The following AGBL4 variants were observed in gnomAD, a reference collection of about 807,000 sequenced individuals.
The protein encoded by AGBL4 is AGBL carboxypeptidase 4, also known as cytosolic carboxypeptidase 6.
A neutral mutation model predicts 66.4 loss-of-function variants in AGBL4; 58 were observed. The ratio of observed to expected loss-of-function variants is 0.87; its 90% confidence interval spans 0.71 to 1.09. The LOEUF (loss-of-function observed/expected upper bound fraction) is 1.09. AGBL4 is among the 50% of genes least tolerant of loss of function. The probability of loss-of-function intolerance (pLI) is 0.00; values close to 1 mark genes in which losing one functional copy is unlikely to be tolerated. For synonymous variants in AGBL4, 234 were observed against 222.9 expected, an observed-to-expected ratio of 1.05 and a Z score of -0.44; for missense variants, 579 against 631.0, an observed-to-expected ratio of 0.92 and a Z score of 0.88.
chr1:48,689,956 T>G lies in AGBL4; in HGVS notation c.635-26715A>C, dbSNP rs919812665. Among the ~76,000 whole-genome samples, 12 of 152,276 alleles carry G rather than the reference T, an allele frequency of 7.9e-5. No individual in the cohort carries two copies. The East Asian group carries it at 1.7e-3, about 22-fold the overall frequency. On this transcript the variant is annotated intron_variant, in intron 6 of 13. Transcript: ENST00000371839. ...GTTGTGGAGGAGAGGTGACACCTGGTCTGGAAGCCTCTGAGCCAACCCTCC... is the reference window on the plus strand; with the variant it reads ...GTTGTGGAGGAGAGGTGACACCTGGGCTGGAAGCCTCTGAGCCAACCCTCC...
chr1:48,776,678 C>T (rs1645106955), intron 6 of AGBL4: 6 of 1,507,072 alleles, frequency 4.0e-6, no homozygotes, highest in Non-Finnish European at 5.3e-6. Flanking sequence ...GGGGGGCTCT[C>T]GGGCCCGGCG....
intron 2 of AGBL4, among the ~76,000 whole-genome samples, chr1:49,840,039 A>G (rs1339892283): frequency 6.6e-6 from 1 of 152,154 alleles, no homozygotes; most frequent in African/African-American, 2.4e-5. Flanking sequence ...CACACAAGCC[A>G]GATTCAGAGT....
chr1:49,705,246 G>C (rs1335816839), intron 2 of AGBL4, among the ~76,000 whole-genome samples: 1 of 152,026 alleles, frequency 6.6e-6, no homozygotes, highest in Non-Finnish European at 1.5e-5. Context: ...TTGGTGTGTA[G>C]GAATGCCTGT....
chr1:48,994,262 T>C (rs1045624045), intron 5 of AGBL4, among the ~76,000 whole-genome samples: 9 of 152,240 alleles, frequency 5.9e-5, no homozygotes, highest in African/African-American at 1.9e-4. Context: ...CTTTCTTTTA[T>C]TCTCTGTAAG....
intron 3 of AGBL4, among the ~76,000 whole-genome samples, chr1:49,395,427 A>C (rs942431555): frequency 1.3e-5 from 2 of 151,988 alleles, no homozygotes; most frequent in Non-Finnish European, 2.9e-5. Context: ...GATTGAGAGA[A>C]GTACAAGAAG....
intron 4 of AGBL4, among the ~76,000 whole-genome samples, chr1:49,053,573 A>C (rs547843543): frequency 6.6e-6 from 1 of 152,256 alleles, no homozygotes; most frequent in African/African-American, 2.4e-5. Flanking sequence ...GAGAATTTGA[A>C]ATATGCCTGG....
chr1:49,323,092 C>T (rs1645159267), intron 3 of AGBL4, among the ~76,000 whole-genome samples: 1 of 152,124 alleles, frequency 6.6e-6, no homozygotes. Flanking sequence ...ATGCTTAAAA[C>T]CCTGACAAGA....
At chr1:49,005,170 CA>C (rs1420282906) in intron 5 of AGBL4, among the ~76,000 whole-genome samples, 1 of 152,128 alleles carries the variant, frequency 6.6e-6, no homozygotes, top group Non-Finnish European at 1.5e-5. Context: ...GGCTATTTAT[CA>C]AAACCACAAA....
chr1:49,503,532 T>C (rs950923541), intron 3 of AGBL4, among the ~76,000 whole-genome samples: 8 of 152,114 alleles, frequency 5.3e-5, no homozygotes, highest in African/African-American at 1.7e-4. Flanking sequence ...CCACAGGTAC[T>C]CAACACCAGT....
intron 3 of AGBL4, among the ~76,000 whole-genome samples, chr1:49,547,617 G>T (rs1028641643): frequency 1.3e-5 from 2 of 152,088 alleles, no homozygotes; most frequent in South Asian, 4.1e-4. Flanking sequence ...TCACAATATT[G>T]ATTCTACCCA....
intron 1 of AGBL4, among the ~76,000 whole-genome samples, chr1:49,988,403 A>G (rs1659680315): frequency 6.6e-6 from 1 of 152,180 alleles, no homozygotes; most frequent in South Asian, 2.1e-4. Context: ...TTTCCTGCTC[A>G]GTCGTTTTAT....
chr1:48,689,455 TCCC>T (rs1646593497), intron 6 of AGBL4, among the ~76,000 whole-genome samples: 2 of 107,028 alleles, frequency 1.9e-5, no homozygotes, highest in African/African-American at 6.5e-5. Flanking sequence ...CCTCCCTCCC[TCCC>T]TCCTTCCTTC....
At chr1:49,451,480 G>A (rs1348163921) in intron 3 of AGBL4, among the ~76,000 whole-genome samples, 1 of 151,962 alleles carries the variant, frequency 6.6e-6, no homozygotes, top group East Asian at 1.9e-4. Context: ...CATGGGAGAG[G>A]AGGGAGAGTC....
At chr1:49,955,545 T>A (rs1030066188) in intron 1 of AGBL4, among the ~76,000 whole-genome samples, 5 of 151,882 alleles carry the variant, frequency 3.3e-5, no homozygotes, top group African/African-American at 1.2e-4. Context: ...TTATAAATAG[T>A]TAAAGAATCA....
At chr1:48,637,532 C>T (rs1419525975) in intron 8 of AGBL4, among the ~76,000 whole-genome samples, 1 of 152,220 alleles carries the variant, frequency 6.6e-6, no homozygotes, top group African/African-American at 2.4e-5. Context: ...TCCCTGGAAG[C>T]CAGGGCAGCT....
chr1:49,008,771 A>G (rs1662093447), intron 5 of AGBL4, among the ~76,000 whole-genome samples: 1 of 147,552 alleles, frequency 6.8e-6, no homozygotes, highest in Admixed American at 6.8e-5. Context: ...CTGCTCCTGA[A>G]TGACTACTGG....
intron 3 of AGBL4, among the ~76,000 whole-genome samples, chr1:49,584,365 T>C (rs1644606336): frequency 6.6e-6 from 1 of 152,200 alleles, no homozygotes; most frequent in Non-Finnish European, 1.5e-5. Context: ...CCTCCCACTA[T>C]TGCCAGCACT....
At chr1:49,284,032 C>T (rs1329400537) in intron 3 of AGBL4, among the ~76,000 whole-genome samples, 9 of 149,708 alleles carry the variant, frequency 6.0e-5, no homozygotes. Flanking sequence ...CACAAAGATA[C>T]TCCTCGAGAA....
At chr1:48,634,735 C>T in intron 8 of AGBL4, 131 bp from the exon 9 acceptor site, 1 of 602,392 alleles carries the variant, frequency 1.7e-6, no homozygotes, top group East Asian at 3.1e-5. Context: ...AGAGACTGTT[C>T]TAAGTACTTT....
Sources: allele counts gnomAD v4.1 joint callset (sites outside exome capture counted in the v4.1 genomes callset), GRCh38; gene constraint gnomAD v4.1.1; transcripts MANE v1.5; gene names NCBI Gene and HGNC (gene_info 2026-07-23, HGNC 2026-07-21).